The following OXR1 variants were observed in gnomAD, a reference collection of about 807,000 sequenced individuals.
The protein encoded by OXR1 is oxidation resistance protein 1.
A neutral mutation model predicts 104.6 loss-of-function variants in OXR1; 41 were observed. The observed-to-expected ratio is 0.39, with a 90% CI of 0.31 to 0.51. The LOEUF (loss-of-function observed/expected upper bound fraction) is 0.51, where lower values mean the gene tolerates loss of function less well. OXR1 is among the 20% of genes least tolerant of loss of function. The pLI is 0.77. For missense variants in OXR1, 955 were observed against 1,031.9 expected (o/e 0.93, Z 1.02); for synonymous variants, 348 against 348.4 (o/e 1.00, Z 0.01).
At chr8:106,677,867 A>G (rs1360158327) in intron 3 of OXR1, among the ~76,000 whole-genome samples, 1 of 152,066 alleles carries the variant, frequency 6.6e-6, no homozygotes, top group Non-Finnish European at 1.5e-5. Context: ...GCAGTTCATA[A>G]TAGTTTTGGT....
At chr8:106,525,540 C>T (rs1813598911) in intron 3 of OXR1, among the ~76,000 whole-genome samples, 1 of 152,144 alleles carries the variant, frequency 6.6e-6, no homozygotes, top group Admixed American at 6.5e-5. Flanking sequence ...TAATTACAAC[C>T]TTTATGTTTA....
chr8:106,348,920 A>G (rs1034148805), intron 1 of OXR1, among the ~76,000 whole-genome samples: 2 of 152,172 alleles, frequency 1.3e-5, no homozygotes, highest in African/African-American at 4.8e-5. Flanking sequence ...TAGTCATCAG[A>G]GGTTTTCTAA....
chr8:106,727,603 A>G (rs1275503426), intron 11 of OXR1, among the ~76,000 whole-genome samples: 1 of 152,028 alleles, frequency 6.6e-6, no homozygotes, highest in Non-Finnish European at 1.5e-5. Context: ...TATTTTTTAT[A>G]GAGACTAGGT....
chr8:106,557,108 T>A (rs1816341765), intron 3 of OXR1, among the ~76,000 whole-genome samples: 2 of 152,342 alleles, frequency 1.3e-5, no homozygotes, highest in African/African-American at 2.4e-5. Context: ...TCTCCCTTTG[T>A]GTTTGCTCTA....
At chr8:106,703,437 T>G (rs1299686268) in intron 8 of OXR1, among the ~76,000 whole-genome samples, 5 of 152,122 alleles carry the variant, frequency 3.3e-5, no homozygotes, top group Admixed American at 2.6e-4. Context: ...TTTTCAAATT[T>G]CCCTTGGAAG....
chr8:106,740,309 T>TTG, intron 13 of OXR1, 34 bp from the exon 14 acceptor site: 1 of 1,576,210 alleles, frequency 6.3e-7, no homozygotes, highest in East Asian at 2.3e-5. Context: ...AACAACAAGC[T>TTG]ATCAAGTAAA....
chr8:106,274,118 C>A (rs1372981582), intron 1 of OXR1, among the ~76,000 whole-genome samples: 1 of 152,162 alleles, frequency 6.6e-6, no homozygotes, highest in African/African-American at 2.4e-5. Flanking sequence ...TTATAGGTAT[C>A]TACATAGAAA....
intron 2 of OXR1, among the ~76,000 whole-genome samples, chr8:106,427,240 C>T (rs200685891): frequency 6.6e-6 from 1 of 152,082 alleles, no homozygotes; most frequent in East Asian, 1.9e-4. Flanking sequence ...GGCCTGATCT[C>T]GGCTCACTGC....
chr8:106,649,877 T>C (rs1824413278), intron 3 of OXR1, among the ~76,000 whole-genome samples: 1 of 152,102 alleles, frequency 6.6e-6, no homozygotes, highest in South Asian at 2.1e-4. Flanking sequence ...TTTGTATTTT[T>C]AGTAGAGACA....
At position 106,710,691 on chromosome 8, in the gene OXR1, C is replaced by A; in HGVS notation, c.1694C>A (p.Pro565Gln). The part of the protein sequence containing the change: ...HKFLCLRVGK[P>Q]MRKTFVSQAS... ...TTCTTGTGTCTCAGAGTTGGAAAAC[C>A]AATGAGGAAAACGTTTGTATCTCAA... The change falls in exon 10 of 17, where the codon CCA becomes CAA. Residue 565 changes from proline (P) to glutamine (Q), a missense_variant. By Grantham distance (76) the Pro-to-Gln change is moderately conservative (BLOSUM62 -1). Around this residue, in one of 2 missense-constraint regions of OXR1, gnomAD observed 849 missense variants for 852.9 expected, o/e 1.00. Transcript: ENST00000517566. 1.2e-6 allele frequency: 2 copies of A among 1,603,432 alleles called. No individual in the cohort carries two copies. The highest frequency in any genetic ancestry group is 1.7e-6 in the Non-Finnish European group (2 of 1,174,352).
chr8:106,698,097 G>A (rs902418957), intron 7 of OXR1: 4 of 854,744 alleles, frequency 4.7e-6, no homozygotes, highest in Non-Finnish European at 7.7e-6. Flanking sequence ...TGCAGCTGCC[G>A]AGCTTCTTCT....
chr8:106,415,073 T>C lies in OXR1; in HGVS notation c.23+55437T>C, dbSNP rs531369810. ...ACAATGGAGTAGAAACTCCTGGCAA[T>C]GTAAACAAGTATGTGAAGTGACAGG... On this transcript the variant is annotated intron_variant, in intron 2 of 16. Transcript: ENST00000517566. Among the ~76,000 whole-genome samples the C allele has an allele frequency of 1.5e-4, 23 of 152,202 alleles. No homozygotes were observed. The East Asian group carries it at 4.4e-3, about 29-fold the overall frequency.
At chr8:106,621,912 G>A (rs1447629761) in intron 3 of OXR1, among the ~76,000 whole-genome samples, 1 of 152,074 alleles carries the variant, frequency 6.6e-6, no homozygotes, top group East Asian at 1.9e-4. Flanking sequence ...TTTAAAAAAT[G>A]TTCCCATTTC....
intron 3 of OXR1, among the ~76,000 whole-genome samples, chr8:106,539,356 T>C (rs1814782176): frequency 6.6e-6 from 1 of 152,228 alleles, no homozygotes; most frequent in Non-Finnish European, 1.5e-5. Flanking sequence ...CCGTTCCATA[T>C]TGTCAAGGTT....
chr8:106,286,853 A>G (rs1234853435), intron 1 of OXR1, among the ~76,000 whole-genome samples: 1 of 152,220 alleles, frequency 6.6e-6, no homozygotes, highest in East Asian at 1.9e-4. Flanking sequence ...GAATAACAAG[A>G]TTAGAGGGAC....
intron 3 of OXR1, among the ~76,000 whole-genome samples, chr8:106,593,997 T>C (rs1819318120): frequency 6.6e-6 from 1 of 152,196 alleles, no homozygotes; most frequent in African/African-American, 2.4e-5. Context: ...AGATGACAGA[T>C]TTAAGGTACG....
intron 3 of OXR1, among the ~76,000 whole-genome samples, chr8:106,609,906 T>C (rs537343563): frequency 6.6e-6 from 1 of 152,094 alleles, no homozygotes; most frequent in Admixed American, 6.6e-5. Context: ...TGGGATAAAG[T>C]ATGAACAATA....
At chr8:106,510,609 A>G (rs932614780) in intron 2 of OXR1, among the ~76,000 whole-genome samples, 1 of 152,218 alleles carries the variant, frequency 6.6e-6, no homozygotes, top group African/African-American at 2.4e-5. Context: ...CAGTGAATCT[A>G]TGTATGCTTC....
chr8:106,507,434 A>G (rs967043911), intron 2 of OXR1, among the ~76,000 whole-genome samples: 6 of 152,344 alleles, frequency 3.9e-5, no homozygotes, highest in African/African-American at 1.4e-4. Flanking sequence ...CCCTTGTGCT[A>G]TTCTCTTCCA....
Sources: allele counts gnomAD v4.1 joint callset (sites outside exome capture counted in the v4.1 genomes callset), GRCh38; gene constraint gnomAD v4.1.1; regional missense constraint gnomAD v4.1.1; transcripts MANE v1.5; gene names NCBI Gene and HGNC (gene_info 2026-07-23, HGNC 2026-07-21).